The following CDH4 variants were observed in gnomAD, a reference collection of about 807,000 sequenced individuals.
CDH4 encodes the protein cadherin 4.
In CDH4, 33 loss-of-function variants were observed where a neutral mutation model predicts 86.0. The ratio of observed to expected loss-of-function variants is 0.38; its 90% CI spans 0.29 to 0.51. The LOEUF is 0.51. Ranked by LOEUF, CDH4 falls within the 20% of genes least tolerant of loss-of-function variation. The probability of loss-of-function intolerance (pLI) is 0.86; values close to 1 mark genes in which losing one functional copy is unlikely to be tolerated. For synonymous variants in CDH4, 555 were observed against 549.4 expected (o/e 1.01, Z -0.14); for missense variants, 1,114 against 1,307.4 (o/e 0.85, Z 2.28).
chr20:61,459,195 C>T (rs34801284), intron 2 of CDH4, among the ~76,000 whole-genome samples: 2 of 68,820 alleles, frequency 2.9e-5, no homozygotes, highest in African/African-American at 6.0e-5. Flanking sequence ...GTGTGGCCAT[C>T]CCCTTCTCCA....
chr20:61,544,472 A>G lies in CDH4; in HGVS notation c.170-199091A>G, dbSNP rs1459886038. 6.6e-6 allele frequency among the ~76,000 whole-genome samples: 1 copy of G among 151,866 alleles called. No individual in the cohort carries two copies. ...GGGAGCGCAGTGGGAGCCGCAGGGC[A>G]TCGGGGTCTTCGAAGGAAAGCCCGT... On this transcript the variant is annotated intron_variant, in intron 2 of 15. Transcript: ENST00000614565. The surrounding 1 kb of genome is among the most constrained non-coding windows in gnomAD (Gnocchi z 6.5).
At chr20:61,331,623 A>G (rs1166284468) in intron 2 of CDH4, among the ~76,000 whole-genome samples, 1,109 of 89,040 alleles carry the variant, frequency 0.012, no homozygotes, top group African/African-American at 0.017. Flanking sequence ...CCCCAGGCCC[A>G]CCTCCTGCCC....
intron 2 of CDH4, among the ~76,000 whole-genome samples, chr20:61,381,081 A>G (rs1303526977): frequency 6.6e-6 from 1 of 152,204 alleles, no homozygotes; most frequent in African/African-American, 2.4e-5. Flanking sequence ...TGGTCATAGG[A>G]TGGCACATTT....
chr20:61,511,359 C>T (rs2085778596), intron 2 of CDH4, among the ~76,000 whole-genome samples: 1 of 152,242 alleles, frequency 6.6e-6, no homozygotes, highest in Non-Finnish European at 1.5e-5. Flanking sequence ...AACTCCACGG[C>T]TTGTGCCAGG....
rs536873765 is a variant in CDH4 at position 61,621,278 on chromosome 20, G to A, written c.170-122285G>A. ...TCTGTACTGCCCTGCTTCCTAGAAC[G>A]CGCTGTCAAGATCTGTTTGACATTC... On this transcript the variant is annotated intron_variant, in intron 2 of 15. Coordinates refer to ENST00000614565, the MANE Select transcript of CDH4 (RefSeq NM_001794.5). Among the ~76,000 whole-genome samples the A allele has an allele frequency of 1.4e-4, 22 of 152,270 alleles. 1 individual carries two copies. In the South Asian group the frequency reaches 4.6e-3, roughly 32 times the overall value.
chr20:61,802,054 G>T (rs1979856989), intron 4 of CDH4, among the ~76,000 whole-genome samples: 1 of 152,222 alleles, frequency 6.6e-6, no homozygotes, highest in Non-Finnish European at 1.5e-5. Flanking sequence ...CCTCAATCAG[G>T]TCTGGTCTCT....
intron 8 of CDH4, among the ~76,000 whole-genome samples, chr20:61,903,016 C>CAAAA (rs58490650): frequency 1.2e-5 from 1 of 83,102 alleles, no homozygotes; most frequent in Non-Finnish European, 2.4e-5. Flanking sequence ...AAGACTGTCT[C>CAAAA]AAAAAAAAAA....
chr20:61,622,179 C>T (rs1183269772), intron 2 of CDH4, among the ~76,000 whole-genome samples: 2 of 152,226 alleles, frequency 1.3e-5, no homozygotes, highest in Non-Finnish European at 2.9e-5. Context: ...TCTGTAACTG[C>T]GAAACGCAGA....
intron 2 of CDH4, among the ~76,000 whole-genome samples, chr20:61,721,792 T>C (rs1259932394): frequency 1.3e-5 from 2 of 152,148 alleles, no homozygotes; most frequent in African/African-American, 4.8e-5. Context: ...CCAGCTTTTT[T>C]CCCCAGCCAC....
chr20:61,524,216 G>A (rs2085893876), intron 2 of CDH4, among the ~76,000 whole-genome samples: 2 of 152,138 alleles, frequency 1.3e-5, no homozygotes, highest in South Asian at 2.1e-4. Context: ...GAAAGGTCCT[G>A]TTTCTACCTG....
intron 2 of CDH4, among the ~76,000 whole-genome samples, chr20:61,585,038 G>A (rs1288346755): frequency 6.6e-6 from 1 of 152,246 alleles, no homozygotes; most frequent in African/African-American, 2.4e-5. Flanking sequence ...GAGCTCGCCA[G>A]GCCTGGCTTC....
chr20:61,297,561 A>G (rs1372811327), intron 2 of CDH4, among the ~76,000 whole-genome samples: 2 of 152,248 alleles, frequency 1.3e-5, no homozygotes, highest in Non-Finnish European at 2.9e-5. Flanking sequence ...TGGCCCACTG[A>G]CAGCCCAACT....
intron 7 of CDH4, among the ~76,000 whole-genome samples, chr20:61,887,264 C>T (rs1184067289): frequency 1.3e-5 from 2 of 152,298 alleles, no homozygotes; most frequent in East Asian, 1.9e-4. Flanking sequence ...TGGCTGCTTC[C>T]GGGGGTCCCC....
chr20:61,561,032 C>T (rs1040447684), intron 2 of CDH4, among the ~76,000 whole-genome samples: 10 of 152,172 alleles, frequency 6.6e-5, no homozygotes, highest in African/African-American at 2.4e-4. Flanking sequence ...TGCCCCGGGC[C>T]CAGGTCCCCA....
At chr20:61,416,761 G>A (rs749589235) in intron 2 of CDH4, among the ~76,000 whole-genome samples, 6 of 152,310 alleles carry the variant, frequency 3.9e-5, no homozygotes, top group African/African-American at 9.6e-5. Context: ...ACAGCATGGC[G>A]CTGGGCGAGT....
chr20:61,554,744 C>T (rs902311219), intron 2 of CDH4, among the ~76,000 whole-genome samples: 6 of 152,268 alleles, frequency 3.9e-5, no homozygotes, highest in African/African-American at 1.4e-4. Context: ...TGTACATGTA[C>T]ATGCATGAAC....
chr20:61,901,339 G>A (rs1267979103), intron 8 of CDH4, among the ~76,000 whole-genome samples: 1 of 152,220 alleles, frequency 6.6e-6, no homozygotes, highest in East Asian at 1.9e-4. Flanking sequence ...AATCGTCACT[G>A]TTTTACTGAA....
chr20:61,715,905 G>A (rs537053876), intron 2 of CDH4, among the ~76,000 whole-genome samples: 11 of 152,332 alleles, frequency 7.2e-5, no homozygotes, highest in East Asian at 3.9e-4. Flanking sequence ...GAGCCCCTGC[G>A]ATTGGGTGGC....
At chr20:61,442,252 A>G (rs370456126) in intron 2 of CDH4, among the ~76,000 whole-genome samples, 21 of 152,350 alleles carry the variant, frequency 1.4e-4, no homozygotes, top group African/African-American at 4.6e-4. Flanking sequence ...ACTGTTGAAA[A>G]GCAGTGTGTG....
Sources: gnomAD v4.1 joint callset for allele counts (sites outside exome capture counted in the v4.1 genomes callset) on GRCh38, gnomAD v4.1.1 for gene constraint, Gnocchi (gnomAD v3.1) non-coding constraint, MANE v1.5 for transcripts, NCBI Gene and HGNC (gene_info 2026-07-23, HGNC 2026-07-21) for gene names.